The following VPS41 variants were observed in gnomAD, a reference collection of about 807,000 sequenced individuals.
VPS41 encodes the protein VPS41 subunit of HOPS complex.
In VPS41, 85 loss-of-function variants were observed where a neutral mutation model predicts 130.9. The ratio of observed to expected loss-of-function variants is 0.65; its 90% CI spans 0.55 to 0.78. The LOEUF (loss-of-function observed/expected upper bound fraction) is 0.78, where lower values mean the gene tolerates loss of function less well. Ranked by LOEUF, VPS41 falls within the 30% of genes least tolerant of loss-of-function variation. The pLI is 0.00. For synonymous variants in VPS41, 335 were observed against 332.9 expected (o/e 1.01, Z -0.07); for missense variants, 874 against 1,018.7 (o/e 0.86, Z 1.93).
At chr7:38,733,696 G>GAAAC (rs1370467677) in intron 25 of VPS41, among the ~76,000 whole-genome samples, 1 of 151,996 alleles carries the variant, frequency 6.6e-6, no homozygotes, top group East Asian at 1.9e-4. Flanking sequence ...AAACTAGTTT[G>GAAAC]AAACATCTCT....
rs564300271 is a variant in VPS41 at position 38,825,192 on chromosome 7, T to C, written c.322-3927A>G. Among the ~76,000 whole-genome samples, 16 of 152,330 alleles carry C rather than the reference T, an allele frequency of 1.1e-4. 1 individual carries two copies. Among genetic ancestry groups the C allele is most frequent in the Admixed American group, 3.3e-4 (5 of 15,306 alleles). On this transcript the variant is annotated intron_variant, in intron 5 of 28. Coordinates refer to ENST00000310301, the MANE Select transcript of VPS41 (RefSeq NM_014396.4). ...ACTGCTGAAGGTGGCAAATCAAGAA[T>C]AGAACTCTCTGGTCAGTTTCTATTA...
At chr7:38,764,030 C>G (rs1783976408) in intron 16 of VPS41, among the ~76,000 whole-genome samples, 1 of 152,204 alleles carries the variant, frequency 6.6e-6, no homozygotes, top group Non-Finnish European at 1.5e-5. Context: ...TTTACAAATA[C>G]TGTTCAATGA....
intron 2 of VPS41, among the ~76,000 whole-genome samples, chr7:38,880,223 T>A (rs140194115): frequency 0.01 from 1,555 of 152,290 alleles, 6 homozygotes; most frequent in Non-Finnish European, 0.014. Context: ...GCAGAACTCA[T>A]GGCCTCCCTT....
At chr7:38,748,345 AAGGT>A (rs1412442809) in intron 22 of VPS41, among the ~76,000 whole-genome samples, 1 of 152,200 alleles carries the variant, frequency 6.6e-6, no homozygotes, top group African/African-American at 2.4e-5. Context: ...ATTTAGTATG[AAGGT>A]AAAGAATGAA....
At chr7:38,904,653 T>G (rs528550975) in intron 1 of VPS41, among the ~76,000 whole-genome samples, 20 of 152,322 alleles carry the variant, frequency 1.3e-4, no homozygotes, top group African/African-American at 3.8e-4. Context: ...ACAAAAGTTT[T>G]AGAGAGTAAA....
chr7:38,905,594 T>C (rs778137314), intron 1 of VPS41, among the ~76,000 whole-genome samples: 8 of 152,202 alleles, frequency 5.3e-5, no homozygotes, highest in African/African-American at 7.2e-5. Context: ...TTTTGGTTCT[T>C]CTGAAAATAA....
At chr7:38,797,867 A>G (rs894213302) in intron 7 of VPS41, among the ~76,000 whole-genome samples, 2 of 152,218 alleles carry the variant, frequency 1.3e-5, no homozygotes, top group African/African-American at 4.8e-5. Context: ...AGCACAAAAT[A>G]AAATCCCTAA....
chr7:38,824,064 T>G (rs1370412150), intron 5 of VPS41, among the ~76,000 whole-genome samples: 1 of 152,184 alleles, frequency 6.6e-6, no homozygotes, highest in Non-Finnish European at 1.5e-5. Flanking sequence ...CATGGGAATC[T>G]TAATGGAGTG....
intron 7 of VPS41, among the ~76,000 whole-genome samples, chr7:38,799,562 CAAT>C: frequency 6.6e-6 from 1 of 152,090 alleles, no homozygotes; most frequent in South Asian, 2.1e-4. Context: ...AAGGAGAACT[CAAT>C]AAACAGAAAG....
intron 23 of VPS41, among the ~76,000 whole-genome samples, chr7:38,744,644 T>C: frequency 6.6e-6 from 1 of 152,132 alleles, no homozygotes; most frequent in East Asian, 1.9e-4. Flanking sequence ...TGTTTGGAAT[T>C]AGTGAATTGA....
At chr7:38,729,303 A>G (rs1038365613) in intron 25 of VPS41, among the ~76,000 whole-genome samples, 13 of 152,186 alleles carry the variant, frequency 8.5e-5, no homozygotes, top group African/African-American at 3.1e-4. Context: ...CTGGGTATAG[A>G]TAATAAACTA....
intron 25 of VPS41, 66 bp downstream of exon 25, chr7:38,741,919 A>C (rs752921061): frequency 6.4e-7 from 1 of 1,564,930 alleles, no homozygotes; most frequent in Non-Finnish European, 8.7e-7. Flanking sequence ...CATAAACCCT[A>C]GAAATATTTA....
At chr7:38,831,227 A>G in intron 4 of VPS41, 1 of 471,050 alleles carries the variant, frequency 2.1e-6, no homozygotes, top group Non-Finnish European at 4.4e-6. Context: ...TCTGATTGTA[A>G]TTTCTTTGGC....
intron 3 of VPS41, among the ~76,000 whole-genome samples, chr7:38,866,388 G>A (rs879218079): frequency 6.6e-6 from 1 of 152,218 alleles, no homozygotes; most frequent in African/African-American, 2.4e-5. Flanking sequence ...TTTACTCTGT[G>A]GAGGCAGTAG....
At chr7:38,731,749 T>C (rs2189854) in intron 25 of VPS41, among the ~76,000 whole-genome samples, 141,797 of 152,118 alleles carry the variant, frequency 0.93, 66,234 homozygotes, top group East Asian at 0.99. Context: ...TCTTTCATTA[T>C]TTTGTGCTAT....
intron 17 of VPS41, among the ~76,000 whole-genome samples, chr7:38,759,565 A>G (rs1019961999): frequency 5.9e-5 from 9 of 152,214 alleles, no homozygotes; most frequent in Non-Finnish European, 1.2e-4. Flanking sequence ...TTATTGTACA[A>G]TAAATCTCCA....
chr7:38,752,772 A>C (rs151000289), intron 21 of VPS41, among the ~76,000 whole-genome samples: 209 of 152,314 alleles, frequency 1.4e-3, no homozygotes, highest in African/African-American at 4.9e-3. Flanking sequence ...CCAGATCATA[A>C]AAATTATTTT....
intron 7 of VPS41, among the ~76,000 whole-genome samples, chr7:38,810,460 AAGATT>A (rs761285669): frequency 6.6e-6 from 1 of 152,336 alleles, no homozygotes; most frequent in East Asian, 1.9e-4. Context: ...AAATTGTAAT[AAGATT>A]AAAGAACTAT....
At chr7:38,802,155 T>C (rs1393308038) in intron 7 of VPS41, among the ~76,000 whole-genome samples, 1 of 152,180 alleles carries the variant, frequency 6.6e-6, no homozygotes, top group Non-Finnish European at 1.5e-5. Flanking sequence ...CCTTCCTCTA[T>C]TAGGTTTAAG....
Sources: gnomAD v4.1 joint callset for allele counts (sites outside exome capture counted in the v4.1 genomes callset) on GRCh38, gnomAD v4.1.1 for gene constraint, MANE v1.5 for transcripts, NCBI Gene and HGNC (gene_info 2026-07-23, HGNC 2026-07-21) for gene names.